The following TIPIN variants were observed in gnomAD, a reference collection of about 807,000 sequenced individuals.
TIPIN encodes TIMELESS interacting protein.
Under a neutral mutation model 35.6 loss-of-function variants are expected in TIPIN, and 29 were observed. The ratio of observed to expected loss-of-function variants is 0.82; its 90% CI spans 0.61 to 1.11. TIPIN has a LOEUF of 1.11. TIPIN is among the 50% of genes most tolerant of loss of function. TIPIN has a pLI of 0.00. For synonymous variants in TIPIN, 102 were observed against 121.5 expected, an observed-to-expected ratio of 0.84 and a Z score of 1.06; for missense variants, 296 against 345.4, an observed-to-expected ratio of 0.86 and a Z score of 1.13.
Position 66,336,854 on chromosome 15 carries a change from C to G in TIPIN, c.*104G>C. Reference sequence around the variant, plus strand: ...TCAGATTTTAAACAATAATCTATAACAGTTTTACTATCTAAGGATTTTCAC... The same window carrying G: ...TCAGATTTTAAACAATAATCTATAAGAGTTTTACTATCTAAGGATTTTCAC... On this transcript the variant is annotated 3_prime_UTR_variant, in exon 8 of 8. Transcript: ENST00000261881. 1 of 843,088 alleles carries G rather than the reference C, an allele frequency of 1.2e-6. No homozygotes were observed. The highest frequency in any genetic ancestry group is 2.6e-5 in the East Asian group (1 of 39,210). 52.2% of individuals were successfully genotyped at this position (843,088 alleles called of 1,614,324 possible).
intron 4 of TIPIN, among the ~76,000 whole-genome samples, chr15:66,351,305 C>T (rs1224474237): frequency 6.6e-6 from 1 of 152,150 alleles, no homozygotes; most frequent in Non-Finnish European, 1.5e-5. Context: ...GTGTGATTTT[C>T]CTATAGCCAA....
At chr15:66,352,542 G>A (rs189262753) in intron 2 of TIPIN, among the ~76,000 whole-genome samples, 3 of 152,012 alleles carry the variant, frequency 2.0e-5, no homozygotes, top group Non-Finnish European at 2.9e-5. Context: ...CTCCTGCCTC[G>A]GCCTCCCAAA....
chr15:66,369,871 A>C (rs1595815797), intron 1 of TIPIN, among the ~76,000 whole-genome samples: 2 of 152,290 alleles, frequency 1.3e-5, no homozygotes, highest in African/African-American at 4.8e-5. Context: ...TCAAATGGTC[A>C]TTCTCATTTT....
intron 1 of TIPIN, among the ~76,000 whole-genome samples, chr15:66,373,366 G>T (rs189826949): frequency 6.6e-6 from 1 of 151,926 alleles, no homozygotes; most frequent in African/African-American, 2.4e-5. Context: ...GGTGGCGGGC[G>T]CCTGTAGTCC....
intron 6 of TIPIN, among the ~76,000 whole-genome samples, chr15:66,343,437 T>C (rs2093102210): frequency 6.6e-6 from 1 of 152,132 alleles, no homozygotes; most frequent in Non-Finnish European, 1.5e-5. Context: ...AGAAAAACTA[T>C]CACAATTAAA....
At chr15:66,362,364 T>G (rs533552647) in intron 1 of TIPIN, among the ~76,000 whole-genome samples, 449 of 151,780 alleles carry the variant, frequency 3.0e-3, no homozygotes, top group South Asian at 0.013. Context: ...AGTGTCAGAC[T>G]TTTTCTAGCA....
chr15:66,380,517 A>C (rs908481589), intron 1 of TIPIN, among the ~76,000 whole-genome samples: 1 of 152,018 alleles, frequency 6.6e-6, no homozygotes, highest in Non-Finnish European at 1.5e-5. Flanking sequence ...GTTTATGACA[A>C]AACAATAGAG....
rs555437909 is a variant in TIPIN, at chr15:66,365,767, G to A, written c.-8-12812C>T. On this transcript the variant is annotated intron_variant, in intron 1 of 7. Transcript: ENST00000562124. ...TCACCCTGTTGGTCAGGCTGGTCTC[G>A]AACTCCTGACCTCGTGATCTGCCCG... is the stretch of plus-strand genomic sequence containing the variant. Among the ~76,000 whole-genome samples, 11 of 152,100 alleles carry A rather than the reference G, an allele frequency of 7.2e-5. No homozygotes were observed. In the East Asian group the frequency reaches 2.1e-3, roughly 30 times the overall value.
At chr15:66,359,992 T>C (rs1473074787), upstream of TIPIN, among the ~76,000 whole-genome samples, 9 of 152,174 alleles carry the variant, frequency 5.9e-5, no homozygotes, top group Non-Finnish European at 1.2e-4. Context: ...ACTGTAACCG[T>C]GAACTTCTGA....
chr15:66,375,591 C>A (rs2093293786), intron 1 of TIPIN, among the ~76,000 whole-genome samples: 1 of 149,898 alleles, frequency 6.7e-6, no homozygotes, highest in South Asian at 2.1e-4. Context: ...GTAATCCCAA[C>A]ACTTTGGGAG....
intron 1 of TIPIN, chr15:66,366,901 G>A (rs1474050090): frequency 7.1e-6 from 7 of 985,164 alleles, no homozygotes; most frequent in Non-Finnish European, 7.2e-6. Context: ...AAGCCCATTG[G>A]CTGGGCATGG....
chr15:66,341,446 C>T lies in TIPIN; in HGVS notation c.476-90G>A, dbSNP rs546042900. ...AAAAGAATTTAAAGTGGCAAGGTGA[C>T]AGACCTGAAAAAACAATTTGTGAAG... On this transcript the variant is annotated intron_variant, in intron 6 of 7. Transcript: ENST00000261881. 5.1e-4 allele frequency: 616 copies of T among 1,214,594 alleles called. 7 individuals are homozygous for T. The South Asian group carries it at 8.5e-3, about 17-fold the overall frequency. The allele number at this position is 1,214,594 out of a possible 1,614,324, so 75.2% of individuals were successfully genotyped here.
Position 66,337,116 on chromosome 15 carries a change from CCTT to C in TIPIN, c.745_747del (p.Lys249del), listed in dbSNP as rs1224558148. The stretch of plus-strand genomic sequence containing the variant: ...TCTTCGTTTAATCCATTTGACTCCT[CCTT>C]TTGATCCTCATCAGTATTAACCTCT... On this transcript the variant is annotated inframe_deletion, in exon 8 of 8. Coordinates refer to ENST00000261881, the MANE Select transcript of TIPIN (RefSeq NM_017858.3). 1 of 1,613,938 alleles carries C rather than the reference CCTT, an allele frequency of 6.2e-7. No homozygotes were observed. Among genetic ancestry groups the C allele is most frequent in the African/African-American group, 1.3e-5 (1 of 74,896 alleles).
chr15:66,369,801 AT>A (rs1488028460), intron 1 of TIPIN, among the ~76,000 whole-genome samples: 1 of 152,206 alleles, frequency 6.6e-6, no homozygotes, highest in Non-Finnish European at 1.5e-5. Context: ...AAACTTTATA[AT>A]GGCTCTGCTG....
intron 4 of TIPIN, among the ~76,000 whole-genome samples, chr15:66,349,810 G>C (rs2093154660): frequency 6.6e-6 from 1 of 152,124 alleles, no homozygotes; most frequent in Non-Finnish European, 1.5e-5. Context: ...AGCCTGGGGG[G>C]CAGAGGTTGC....
chr15:66,364,314 C>T (rs921385095), intron 1 of TIPIN, among the ~76,000 whole-genome samples: 9 of 151,556 alleles, frequency 5.9e-5, no homozygotes, highest in Admixed American at 2.6e-4. Flanking sequence ...TACAGATGGG[C>T]GCCGCCATGC....
At chr15:66,386,711 G>C (rs1203193880) in exon 1 of TIPIN, 1 of 185,800 alleles carries the variant, frequency 5.4e-6, no homozygotes, top group Non-Finnish European at 1.1e-5. Flanking sequence ...GCGACAGAGG[G>C]CGCCACGGCG....
chr15:66,371,094 C>G, intron 1 of TIPIN: 1 of 337,826 alleles, frequency 3.0e-6, no homozygotes, highest in Non-Finnish European at 4.2e-6. Flanking sequence ...GCTGGTAATA[C>G]CAGCTACTCG....
At chr15:66,366,612 A>T (rs1385582841) in intron 1 of TIPIN, among the ~76,000 whole-genome samples, 1 of 146,710 alleles carries the variant, frequency 6.8e-6, no homozygotes, top group African/African-American at 2.5e-5. Flanking sequence ...AAAAAAAAAA[A>T]AAAAATTAGC....
Sources: allele counts gnomAD v4.1 joint callset (sites outside exome capture counted in the v4.1 genomes callset), GRCh38; gene constraint gnomAD v4.1.1; transcripts MANE v1.5; gene names NCBI Gene and HGNC (gene_info 2026-07-23, HGNC 2026-07-21).